The following AP2B1 variants were observed in gnomAD, a reference collection of about 807,000 sequenced individuals.
AP2B1 encodes adaptor related protein complex 2 subunit beta 1.
A neutral mutation model predicts 102.0 loss-of-function variants in AP2B1; 23 were observed. The observed-to-expected ratio is 0.23, with a 90% confidence interval of 0.16 to 0.32. AP2B1 has a LOEUF of 0.32. AP2B1 is among the 10% of genes least tolerant of loss of function. The pLI, the probability that AP2B1 is intolerant of heterozygous loss-of-function variation, is 1.00. For synonymous variants in AP2B1, 381 were observed against 421.2 expected, an observed-to-expected ratio of 0.90 and a Z score of 1.17; for missense variants, 541 against 1,157.4, an observed-to-expected ratio of 0.47 and a Z score of 7.73.
At chr17:35,683,267 C>T (rs748015660) in intron 18 of AP2B1, among the ~76,000 whole-genome samples, 18 of 152,096 alleles carry the variant, frequency 1.2e-4, no homozygotes, top group Non-Finnish European at 2.2e-4. Context: ...TCTTTGTGGA[C>T]GAGAGTTTTA....
intron 14 of AP2B1, chr17:35,659,933 A>G (rs950995162): frequency 3.0e-6 from 3 of 985,326 alleles, no homozygotes; most frequent in Non-Finnish European, 2.4e-6. Flanking sequence ...GAACATCACA[A>G]GGAAGACCTA....
chr17:35,651,984 C>T (rs1191435174), intron 13 of AP2B1, among the ~76,000 whole-genome samples: 1 of 152,178 alleles, frequency 6.6e-6, no homozygotes, highest in Non-Finnish European at 1.5e-5. Flanking sequence ...CCCTCTGTAA[C>T]CGTGTTTGTA....
chr17:35,710,425 C>G, intron 20 of AP2B1, 105 bp downstream of exon 20: 1 of 756,006 alleles, frequency 1.3e-6, no homozygotes, highest in South Asian at 1.7e-5. Flanking sequence ...CCCGTATCTA[C>G]TATGTTTCTA....
chr17:35,680,948 G>A (rs923902585), intron 17 of AP2B1, among the ~76,000 whole-genome samples: 1 of 152,092 alleles, frequency 6.6e-6, no homozygotes, highest in Non-Finnish European at 1.5e-5. Context: ...GCCCGCTGCA[G>A]CCTCCCAAAG....
At chr17:35,659,457 C>T (rs750485709) in intron 14 of AP2B1, among the ~76,000 whole-genome samples, 2 of 152,198 alleles carry the variant, frequency 1.3e-5, no homozygotes, top group African/African-American at 4.8e-5. Context: ...ACTCCAAAAC[C>T]AATGGGTTTT....
At chr17:35,647,722 A>C (rs1051619148) in intron 12 of AP2B1, among the ~76,000 whole-genome samples, 1 of 152,178 alleles carries the variant, frequency 6.6e-6, no homozygotes, top group Admixed American at 6.6e-5. Flanking sequence ...TATAGTCAAA[A>C]ACATCAGGGT....
At chr17:35,703,359 A>G (rs1393198461) in intron 18 of AP2B1, among the ~76,000 whole-genome samples, 4 of 152,046 alleles carry the variant, frequency 2.6e-5, no homozygotes, top group Non-Finnish European at 4.4e-5. Flanking sequence ...AAGTCATTCT[A>G]TCATAAAGAC....
At chr17:35,680,688 T>G (rs1242415573) in intron 17 of AP2B1, among the ~76,000 whole-genome samples, 8 of 54,258 alleles carry the variant, frequency 1.5e-4, no homozygotes, top group Admixed American at 1.1e-3. Context: ...TGGTTTTGGT[T>G]TTTTTTTTTT....
intron 12 of AP2B1, among the ~76,000 whole-genome samples, chr17:35,649,040 T>C (rs1449768425): frequency 6.6e-6 from 1 of 152,184 alleles, no homozygotes; most frequent in Non-Finnish European, 1.5e-5. Context: ...TTAGCAGTTT[T>C]TGATTATTTA....
In AP2B1 at chr17:35,698,196, C is replaced by T. The variant is rs587678025; in HGVS notation, c.2455-11028C>T. ...GATAAGGAGTGAAAAGACTGAGACA[C>T]ATAAACTGAAATTCAACTTTGGAAA... On this transcript the variant is annotated intron_variant, in intron 18 of 21. Coordinates refer to ENST00000610402, the MANE Select transcript of AP2B1 (RefSeq NM_001030006.2). Among the ~76,000 whole-genome samples the T allele has an allele frequency of 2.6e-5, 4 of 152,244 alleles. No homozygotes were observed. In the South Asian group the frequency reaches 8.3e-4, roughly 32 times the overall value.
At chr17:35,708,711 G>A (rs2076392580) in intron 18 of AP2B1, among the ~76,000 whole-genome samples, 1 of 152,114 alleles carries the variant, frequency 6.6e-6, no homozygotes, top group South Asian at 2.1e-4. Flanking sequence ...TTATTGTGGG[G>A]AGAAATAAAA....
At chr17:35,659,195 T>C (rs2075303757) in intron 14 of AP2B1, among the ~76,000 whole-genome samples, 1 of 152,224 alleles carries the variant, frequency 6.6e-6, no homozygotes, top group African/African-American at 2.4e-5. Flanking sequence ...AAAATAGCTC[T>C]TCCTTTTCTG....
chr17:35,655,740 G>A (rs770583080), intron 13 of AP2B1, among the ~76,000 whole-genome samples: 4 of 152,176 alleles, frequency 2.6e-5, no homozygotes, highest in Non-Finnish European at 5.9e-5. Context: ...AGTTGTACCA[G>A]TGTATACTCT....
chr17:35,620,684 G>T (rs1476087291), intron 5 of AP2B1, among the ~76,000 whole-genome samples: 1 of 152,050 alleles, frequency 6.6e-6, no homozygotes, highest in African/African-American at 2.4e-5. Context: ...GGGTGTGGTG[G>T]TACAAGCCTG....
At chr17:35,612,508 T>C (rs1461636810) in intron 5 of AP2B1, among the ~76,000 whole-genome samples, 1 of 152,222 alleles carries the variant, frequency 6.6e-6, no homozygotes, top group Non-Finnish European at 1.5e-5. Context: ...CTTATTACCT[T>C]AGAGTATTAC....
At chr17:35,664,729 A>C (rs936060874) in intron 14 of AP2B1, among the ~76,000 whole-genome samples, 1 of 152,226 alleles carries the variant, frequency 6.6e-6, no homozygotes, top group Non-Finnish European at 1.5e-5. Context: ...CAACCTTACG[A>C]AACAGTCCTT....
At chr17:35,662,532 G>GTTTT (rs34547701) in intron 14 of AP2B1, among the ~76,000 whole-genome samples, 16 of 110,092 alleles carry the variant, frequency 1.5e-4, no homozygotes, top group South Asian at 3.1e-4. Context: ...GTTTGGGTTT[G>GTTTT]TTTTTTTTTT....
chr17:35,589,879 T>G (rs1165850657), intron 1 of AP2B1, among the ~76,000 whole-genome samples: 1 of 150,492 alleles, frequency 6.6e-6, no homozygotes, highest in Non-Finnish European at 1.5e-5. Context: ...AAATATTAGA[T>G]TTTTTTTTTC....
chr17:35,630,622 C>T (rs770041714), intron 9 of AP2B1, among the ~76,000 whole-genome samples: 7 of 152,264 alleles, frequency 4.6e-5, no homozygotes, highest in Non-Finnish European at 8.8e-5. Flanking sequence ...GACTTTCTAG[C>T]CCTGGAATTA....
Sources: allele counts gnomAD v4.1 joint callset (sites outside exome capture counted in the v4.1 genomes callset), GRCh38; gene constraint gnomAD v4.1.1; transcripts MANE v1.5; gene names NCBI Gene and HGNC (gene_info 2026-07-23, HGNC 2026-07-21).